The following LYRM4 variants were observed in gnomAD, a reference collection of about 807,000 sequenced individuals.
The protein encoded by LYRM4 is LYR motif containing 4, also known as LYR motif-containing protein 4.
In LYRM4, 9 loss-of-function variants were observed where a neutral mutation model predicts 11.7. The observed-to-expected ratio is 0.77, with a 90% CI of 0.46 to 1.34. The LOEUF is 1.34. LYRM4 is among the 40% of genes most tolerant of loss of function. LYRM4 has a pLI of 0.00. For missense variants in LYRM4, 133 were observed against 112.5 expected, an observed-to-expected ratio of 1.18 and a Z score of -0.82; for synonymous variants, 42 against 40.4, an observed-to-expected ratio of 1.04 and a Z score of -0.15.
chr6:5,208,063 G>T (rs1024921576), intron 2 of LYRM4, among the ~76,000 whole-genome samples: 1 of 152,128 alleles, frequency 6.6e-6, no homozygotes, highest in African/African-American at 2.4e-5. Context: ...TGTCAGGTCA[G>T]AATTTCCTCA....
intron 2 of LYRM4, chr6:5,136,384 G>A (rs889180579): frequency 4.4e-5 from 43 of 985,226 alleles, no homozygotes; most frequent in Non-Finnish European, 4.7e-5. Flanking sequence ...GTGGAGAAGC[G>A]GGAAGACACG....
At chr6:5,091,834 T>C in the LYRM4 span, among the ~76,000 whole-genome samples, 5 of 152,236 alleles carry the variant, frequency 3.3e-5, no homozygotes, top group Non-Finnish European at 5.9e-5. Flanking sequence ...ATGCAAACTT[T>C]TCTGGTAAGG....
chr6:5,079,561 G>A, the LYRM4 span, among the ~76,000 whole-genome samples: 318 of 152,290 alleles, frequency 2.1e-3, no homozygotes, highest in African/African-American at 7.3e-3. Flanking sequence ...CATAGGAAGC[G>A]TCACATATTA....
chr6:5,240,407 T>C (rs1352989839), intron 1 of LYRM4: 1 of 152,228 alleles, frequency 6.6e-6, no homozygotes, highest in Non-Finnish European at 1.5e-5. Context: ...AATATTACCT[T>C]AGGATACTCA....
intron 1 of LYRM4, among the ~76,000 whole-genome samples, chr6:5,249,149 G>A (rs1764323609): frequency 6.6e-6 from 1 of 152,200 alleles, no homozygotes; most frequent in South Asian, 2.1e-4. Context: ...TGATTTTGGA[G>A]TACCTACTAG....
At chr6:5,179,073 A>AAC (rs796319845) in intron 2 of LYRM4, among the ~76,000 whole-genome samples, 4,327 of 54,772 alleles carry the variant, frequency 0.079, 116 homozygotes, top group African/African-American at 0.16. Context: ...AACAAAAAAA[A>AAC]AAAAAAAAAA....
chr6:5,145,234 C>A (rs1253397930), intron 2 of LYRM4, among the ~76,000 whole-genome samples: 2 of 152,202 alleles, frequency 1.3e-5, no homozygotes, highest in African/African-American at 4.8e-5. Flanking sequence ...CCCATTTGCT[C>A]CCCACACCTG....
chr6:5,245,110 AAAAATATATATATATATATATATAT>A (rs1381627872), intron 1 of LYRM4, among the ~76,000 whole-genome samples: 30 of 36,926 alleles, frequency 8.1e-4, no homozygotes, highest in African/African-American at 3.6e-3. Flanking sequence ...AAAAAAAAAA[AAAAATATATATATATATATATATAT>A]ATATATATAT....
intron 2 of LYRM4, among the ~76,000 whole-genome samples, chr6:5,156,974 C>T (rs1451034548): frequency 4.6e-5 from 7 of 152,174 alleles, no homozygotes; most frequent in Non-Finnish European, 8.8e-5. Flanking sequence ...TAAACACACA[C>T]CCCTCTGGCC....
the LYRM4 span, among the ~76,000 whole-genome samples, chr6:5,079,894 T>C: frequency 2.1e-4 from 32 of 152,230 alleles, no homozygotes; most frequent in South Asian, 4.1e-4. Context: ...CTCCTCCTTG[T>C]TGGGCAGTGT....
intron 1 of LYRM4, among the ~76,000 whole-genome samples, chr6:5,221,217 T>C (rs1280324364): frequency 6.6e-6 from 1 of 152,228 alleles, no homozygotes; most frequent in Non-Finnish European, 1.5e-5. Flanking sequence ...GTGAACCATT[T>C]TTCTTATTCA....
At chr6:5,063,778 C>A in the LYRM4 span, among the ~76,000 whole-genome samples, 7 of 152,210 alleles carry the variant, frequency 4.6e-5, no homozygotes, top group Non-Finnish European at 7.3e-5. Context: ...CAGCCTGGTC[C>A]CACCCAGCCC....
chr6:5,227,535 A>G (rs1302778202), intron 1 of LYRM4, among the ~76,000 whole-genome samples: 1 of 152,196 alleles, frequency 6.6e-6, no homozygotes, highest in African/African-American at 2.4e-5. Flanking sequence ...TAGGAGTGTA[A>G]ATTAGTTCAA....
the LYRM4 span, among the ~76,000 whole-genome samples, chr6:5,074,422 T>C: frequency 1.3e-4 from 9 of 71,334 alleles, no homozygotes; most frequent in African/African-American, 4.0e-4. Flanking sequence ...TTTTTTTTTT[T>C]GGAGTTTGGA....
intron 2 of LYRM4, among the ~76,000 whole-genome samples, chr6:5,180,865 A>G (rs1760030694): frequency 6.6e-6 from 1 of 152,182 alleles, no homozygotes; most frequent in African/African-American, 2.4e-5. Context: ...CTTGCTAGTG[A>G]AGTATGTCAC....
the LYRM4 span, among the ~76,000 whole-genome samples, chr6:5,080,688 C>T: frequency 6.6e-6 from 1 of 152,186 alleles, no homozygotes; most frequent in Non-Finnish European, 1.5e-5. Flanking sequence ...ATTATGACTT[C>T]CTTGAGGGGT....
intron 2 of LYRM4, among the ~76,000 whole-genome samples, chr6:5,114,901 T>C (rs913676872): frequency 1.3e-5 from 2 of 152,250 alleles, no homozygotes; most frequent in African/African-American, 2.4e-5. Flanking sequence ...TATGTGGCTA[T>C]TAATAGTTTG....
chr6:5,063,052 A>C, the LYRM4 span, among the ~76,000 whole-genome samples: 145 of 152,260 alleles, frequency 9.5e-4, 1 homozygote, highest in African/African-American at 3.3e-3. Flanking sequence ...GCAGCTTCCC[A>C]TGAGTCATTT....
intron 2 of LYRM4, among the ~76,000 whole-genome samples, chr6:5,149,511 G>A (rs3890847): frequency 0.12 from 18,038 of 150,974 alleles, 1,663 homozygotes; most frequent in African/African-American, 0.24. Context: ...TTTCAAAGTC[G>A]TAGCTCAAAC....
Sources: allele counts gnomAD v4.1 joint callset (sites outside exome capture counted in the v4.1 genomes callset), GRCh38; gene constraint gnomAD v4.1.1; transcripts MANE v1.5; gene names NCBI Gene and HGNC (gene_info 2026-07-23, HGNC 2026-07-21).